EYA1: variants seen among roughly 807,000 people sequenced by gnomAD.
The protein encoded by EYA1 is EYA transcriptional coactivator and phosphatase 1, also known as protein phosphatase EYA1.
EYA1 carries 16 observed loss-of-function variants against 82.0 expected under a neutral mutation model. The observed-to-expected ratio is 0.20, with a 90% CI of 0.13 to 0.30. The LOEUF (loss-of-function observed/expected upper bound fraction) is 0.30. Among genes scored for constraint, EYA1 ranks in the 10% least tolerant of loss-of-function variants. The probability of loss-of-function intolerance (pLI) is 1.00; values close to 1 mark genes in which losing one functional copy is unlikely to be tolerated. For missense variants in EYA1, 633 were observed against 730.7 expected (o/e 0.87, Z 1.54); for synonymous variants, 261 against 264.4 (o/e 0.99, Z 0.12).
intron 17 of EYA1, among the ~76,000 whole-genome samples, chr8:71,202,072 A>G (rs1041677879): frequency 2.0e-5 from 3 of 152,180 alleles, no homozygotes; most frequent in African/African-American, 7.2e-5. Flanking sequence ...GCAAAGTGGA[A>G]TGCCTTTTTT....
intron 11 of EYA1, among the ~76,000 whole-genome samples, chr8:71,252,384 ACACT>A (rs1392930953): frequency 6.6e-6 from 1 of 152,070 alleles, no homozygotes; most frequent in Non-Finnish European, 1.5e-5. Context: ...ATGGACTAAC[ACACT>A]CAATCTCTGC....
At chr8:71,374,365 A>G (rs970606266) in intron 2 of EYA1, among the ~76,000 whole-genome samples, 1 of 152,194 alleles carries the variant, frequency 6.6e-6, no homozygotes, top group Admixed American at 6.5e-5. Context: ...ACAAATGGCC[A>G]ACATGTATAT....
At chr8:71,496,824 A>G (rs1811448419) in intron 2 of EYA1, among the ~76,000 whole-genome samples, 1 of 152,130 alleles carries the variant, frequency 6.6e-6, no homozygotes. Flanking sequence ...TTGTTGGTCA[A>G]TTAAATTCTC....
intron 17 of EYA1, 28 bp from the exon 18 acceptor site, chr8:71,199,448 G>A: frequency 1.5e-5 from 23 of 1,564,564 alleles, no homozygotes; most frequent in Non-Finnish European, 2.0e-5. Context: ...ATACATGTGA[G>A]GACAGAGCAC....
chr8:71,543,454 T>G (rs576670667), intron 1 of EYA1, among the ~76,000 whole-genome samples: 1 of 152,326 alleles, frequency 6.6e-6, no homozygotes. Flanking sequence ...ATGCCACGAC[T>G]TACATTCCTA....
chr8:71,279,511 A>C (rs1350361993), intron 9 of EYA1, among the ~76,000 whole-genome samples: 1 of 152,224 alleles, frequency 6.6e-6, no homozygotes, highest in African/African-American at 2.4e-5. Context: ...AGATGCATCA[A>C]ATTTGATGAC....
chr8:71,472,447 A>G (rs1477101795), intron 2 of EYA1, among the ~76,000 whole-genome samples: 1 of 152,082 alleles, frequency 6.6e-6, no homozygotes, highest in Non-Finnish European at 1.5e-5. Context: ...CCTTGTATGC[A>G]GTTTTGAATT....
chr8:71,453,544 G>A (rs1187792421), intron 2 of EYA1, among the ~76,000 whole-genome samples: 1 of 152,178 alleles, frequency 6.6e-6, no homozygotes, highest in Non-Finnish European at 1.5e-5. Flanking sequence ...CCCACGAAGG[G>A]AAGCCCATCA....
chr8:71,488,900 C>A (rs183393356), intron 2 of EYA1, among the ~76,000 whole-genome samples: 4 of 152,308 alleles, frequency 2.6e-5, no homozygotes, highest in Non-Finnish European at 5.9e-5. Context: ...ATCCCTTCAG[C>A]CTCTCATTAG....
intron 3 of EYA1, among the ~76,000 whole-genome samples, chr8:71,339,480 C>G (rs1275700784): frequency 6.6e-6 from 1 of 152,150 alleles, no homozygotes; most frequent in Non-Finnish European, 1.5e-5. Flanking sequence ...CTCTTGACAA[C>G]TGTCTGAAAC....
intron 2 of EYA1, among the ~76,000 whole-genome samples, chr8:71,408,290 GA>G (rs1563583526): frequency 6.6e-6 from 1 of 151,986 alleles, no homozygotes; most frequent in Non-Finnish European, 1.5e-5. Context: ...AAAGGCCATC[GA>G]GACTAGGAAG....
intron 12 of EYA1, among the ~76,000 whole-genome samples, chr8:71,222,257 G>A (rs572432513): frequency 3.7e-4 from 57 of 152,150 alleles, no homozygotes; most frequent in Non-Finnish European, 7.1e-4. Context: ...CATATTTGGT[G>A]CCGTGTGACT....
At chr8:71,346,005 C>T (rs939571596) in intron 3 of EYA1, among the ~76,000 whole-genome samples, 15 of 151,888 alleles carry the variant, frequency 9.9e-5, no homozygotes, top group African/African-American at 2.2e-4. Context: ...CACACACACA[C>T]GTGCACACGT....
upstream of EYA1, among the ~76,000 whole-genome samples, chr8:71,364,490 T>C (rs1827625149): frequency 6.6e-6 from 1 of 152,094 alleles, no homozygotes; most frequent in South Asian, 2.1e-4. Context: ...ATAACTATAG[T>C]ATGTAACGTA....
At chr8:71,398,661 C>T (rs551766376) in intron 2 of EYA1, among the ~76,000 whole-genome samples, 117 of 152,338 alleles carry the variant, frequency 7.7e-4, no homozygotes, top group Non-Finnish European at 1.3e-3. Context: ...CTGGAAGCTT[C>T]GTCTCAGAGG....
chr8:71,446,457 T>C (rs576709804), intron 2 of EYA1, among the ~76,000 whole-genome samples: 3 of 152,062 alleles, frequency 2.0e-5, no homozygotes, highest in Non-Finnish European at 4.4e-5. Context: ...GAACTGTGAG[T>C]CAATTAAATC....
At chr8:71,444,875 T>C (rs1806742220) in intron 2 of EYA1, among the ~76,000 whole-genome samples, 1 of 152,192 alleles carries the variant, frequency 6.6e-6, no homozygotes, top group African/African-American at 2.4e-5. Context: ...AGATGGCCAT[T>C]ACCAACCTAT....
In EYA1 at chr8:71,297,032, G is replaced by A. The variant is rs57156860; in HGVS notation, c.826+2015C>T. 8.9e-3 allele frequency among the ~76,000 whole-genome samples: 1,354 copies of A among 151,984 alleles called. 24 individuals are homozygous for A. The highest frequency in any genetic ancestry group is 0.031 in the African/African-American group (1,286 of 41,458). On this transcript the variant is annotated intron_variant, in intron 9 of 17. Coordinates refer to ENST00000340726, the MANE Select transcript of EYA1 (RefSeq NM_000503.6). Reference sequence around the variant, plus strand: ...AAGAAAGGCTGATCCAGACATACTCGCTTTAGTTGGAAGAGGTATGTATAA... The same window carrying A: ...AAGAAAGGCTGATCCAGACATACTCACTTTAGTTGGAAGAGGTATGTATAA...
intron 2 of EYA1, among the ~76,000 whole-genome samples, chr8:71,379,881 G>A (rs1399740165): frequency 1.3e-5 from 2 of 152,214 alleles, no homozygotes; most frequent in Non-Finnish European, 2.9e-5. Flanking sequence ...GGAGCCAGAT[G>A]TTGGCCTAAT....
Sources: gnomAD v4.1 joint callset for allele counts (sites outside exome capture counted in the v4.1 genomes callset) on GRCh38, gnomAD v4.1.1 for gene constraint, MANE v1.5 for transcripts, NCBI Gene and HGNC (gene_info 2026-07-23, HGNC 2026-07-21) for gene names.